The following DOCK2 variants were observed in gnomAD, a reference collection of about 807,000 sequenced individuals.
DOCK2 encodes the protein dedicator of cytokinesis 2, also known as dedicator of cytokinesis protein 2.
DOCK2 carries 87 observed loss-of-function variants against 248.9 expected under a neutral mutation model. The ratio of observed to expected loss-of-function variants is 0.35; its 90% CI spans 0.29 to 0.42. DOCK2 has a LOEUF of 0.42. Ranked by LOEUF, DOCK2 falls within the 10% of genes least tolerant of loss-of-function variation. The pLI is 1.00. For synonymous variants in DOCK2, 805 were observed against 821.6 expected (o/e 0.98, Z 0.35); for missense variants, 1,747 against 2,300.2 (o/e 0.76, Z 4.92).
At chr5:169,868,455 TAA>T in intron 27 of DOCK2, among the ~76,000 whole-genome samples, 1 of 152,326 alleles carries the variant, frequency 6.6e-6, no homozygotes, top group South Asian at 2.1e-4. Flanking sequence ...ACAAGTGTCC[TAA>T]TACCTGTTTA....
rs1247207480 is a variant in DOCK2, at chr5:169,892,928, AT to A, written c.2799+52077del. ...CTTCTTCTCTTCTGTTTTCTCCAGC[AT>A]GGCTCCCCATTTCATTTCTCCCCTC... On this transcript the variant is annotated intron_variant, in intron 27 of 51. Coordinates refer to ENST00000520908, the MANE Select transcript of DOCK2 (RefSeq NM_004946.3). Among the ~76,000 whole-genome samples, 444 of 151,714 alleles carry A rather than the reference AT, an allele frequency of 2.9e-3. 5 individuals are homozygous for A. Among genetic ancestry groups the A allele is most frequent in the African/African-American group, 0.01 (419 of 41,348 alleles).
At chr5:169,816,447 A>T (rs948670350) in intron 26 of DOCK2, among the ~76,000 whole-genome samples, 2 of 152,210 alleles carry the variant, frequency 1.3e-5, no homozygotes, top group African/African-American at 4.8e-5. Context: ...TCTGCAAGCA[A>T]CCTAGCATGC....
At chr5:169,702,585 G>A (rs774359286) in intron 14 of DOCK2, 158 bp downstream of exon 14, 15 of 1,023,468 alleles carry the variant, frequency 1.5e-5, no homozygotes, top group Non-Finnish European at 2.1e-5. Context: ...CTTGGTTAGT[G>A]CAGTGTTCCA....
intron 26 of DOCK2, among the ~76,000 whole-genome samples, chr5:169,820,392 C>G (rs898558920): frequency 2.6e-5 from 4 of 152,218 alleles, no homozygotes. Context: ...ACTGACACCT[C>G]ACACAGCTGG....
At chr5:170,057,735 G>A (rs936571013) in intron 44 of DOCK2, 69 bp downstream of exon 44, 1 of 1,388,946 alleles carries the variant, frequency 7.2e-7, no homozygotes, top group Non-Finnish European at 9.8e-7. Context: ...GTCTCCAAAG[G>A]CCCCTTTGAC....
chr5:170,043,407 C>T (rs182999763), intron 38 of DOCK2, among the ~76,000 whole-genome samples: 4 of 152,302 alleles, frequency 2.6e-5, no homozygotes, highest in Non-Finnish European at 5.9e-5. Flanking sequence ...CCTACTCCAC[C>T]GCTTCCTCTC....
At chr5:169,784,124 G>A (rs12515840) in intron 25 of DOCK2, among the ~76,000 whole-genome samples, 19,989 of 95,028 alleles carry the variant, frequency 0.21, 1,632 homozygotes, top group East Asian at 0.35. Context: ...CAATTTCATT[G>A]ATTTTTTTTT....
At chr5:169,926,093 G>C (rs1353481409) in intron 27 of DOCK2, among the ~76,000 whole-genome samples, 1 of 152,174 alleles carries the variant, frequency 6.6e-6, no homozygotes, top group East Asian at 1.9e-4. Flanking sequence ...CTCTCTTAGA[G>C]ACAAGTGGGA....
At chr5:169,869,735 G>A (rs1050523869) in intron 27 of DOCK2, among the ~76,000 whole-genome samples, 49 of 152,324 alleles carry the variant, frequency 3.2e-4, no homozygotes, top group Admixed American at 2.4e-3. Flanking sequence ...TTAGCAGAGC[G>A]TTGTTTGCAG....
chr5:169,803,869 T>G (rs1767147359), intron 26 of DOCK2, among the ~76,000 whole-genome samples: 1 of 151,926 alleles, frequency 6.6e-6, no homozygotes, highest in South Asian at 2.1e-4. Context: ...TGAGAGGTAG[T>G]GATTAGACCC....
chr5:169,695,787 G>C lies in DOCK2; in HGVS notation c.844-16G>C. ...TTCAGCACATGATGGTCAATTTTTT[G>C]TTTCTTTCCCCCCAGGATCTTGGAA... On this transcript the variant is annotated splice_polypyrimidine_tract_variant and intron_variant, in intron 9 of 51. Coordinates refer to ENST00000520908, the MANE Select transcript of DOCK2 (RefSeq NM_004946.3). 1 of 1,609,240 alleles carries C rather than the reference G, an allele frequency of 6.2e-7. No individual in the cohort carries two copies. Among genetic ancestry groups the C allele is most frequent in the South Asian group, 1.1e-5 (1 of 89,962 alleles).
intron 36 of DOCK2, among the ~76,000 whole-genome samples, chr5:170,038,577 G>A (rs903545059): frequency 1.3e-5 from 2 of 152,174 alleles, no homozygotes; most frequent in Non-Finnish European, 1.5e-5. Flanking sequence ...TAGCCGAACC[G>A]GGTGGTGGCA....
At chr5:170,077,870 C>A in intron 48 of DOCK2, 33 bp downstream of exon 48, 1 of 1,599,696 alleles carries the variant, frequency 6.3e-7, no homozygotes, top group Non-Finnish European at 8.5e-7. Flanking sequence ...GCCCCCCACA[C>A]CCCTGCCTCC....
intron 22 of DOCK2, among the ~76,000 whole-genome samples, chr5:169,721,949 A>T (rs1363196534): frequency 6.6e-6 from 1 of 152,236 alleles, no homozygotes; most frequent in Non-Finnish European, 1.5e-5. Flanking sequence ...GGCACATGCC[A>T]GTGCTGTAGC....
At position 169,931,516 on chromosome 5, in the gene DOCK2, C is replaced by T. The variant is rs1775753006; in HGVS notation, c.2800-51552C>T. On this transcript the variant is annotated intron_variant, in intron 27 of 51. Transcript: ENST00000520908. The stretch of plus-strand genomic sequence containing the variant: ...ATGTGGTTATTTTATGAGGTGGTAT[C>T]GTTTTGTGGAAAGTTGTTTTGGGGT... 3.9e-5 allele frequency among the ~76,000 whole-genome samples: 6 copies of T among 152,282 alleles called. No individual in the cohort carries two copies. The South Asian group carries it at 1.0e-3, about 26-fold the overall frequency.
chr5:169,912,251 G>A (rs1283846939), intron 27 of DOCK2, among the ~76,000 whole-genome samples: 1 of 151,916 alleles, frequency 6.6e-6, no homozygotes, highest in Non-Finnish European at 1.5e-5. Context: ...TAGAAAATGG[G>A]GTCTCACTGT....
intron 27 of DOCK2, among the ~76,000 whole-genome samples, chr5:169,901,702 G>A (rs559981808): frequency 3.9e-4 from 59 of 152,286 alleles, no homozygotes; most frequent in Non-Finnish European, 7.5e-4. Context: ...TGTAGAGAAA[G>A]GAAATTAATT....
chr5:169,641,999 T>A (rs1308868028), intron 1 of DOCK2, among the ~76,000 whole-genome samples: 2 of 152,194 alleles, frequency 1.3e-5, no homozygotes, highest in East Asian at 3.9e-4. Flanking sequence ...CAGGTCTAAT[T>A]CTCTGTGACT....
chr5:169,838,902 G>T (rs753634382), intron 26 of DOCK2, among the ~76,000 whole-genome samples: 1 of 152,146 alleles, frequency 6.6e-6, no homozygotes, highest in African/African-American at 2.4e-5. Context: ...ATTGGGGCAG[G>T]GGGAGGACAT....
Sources: allele counts gnomAD v4.1 joint callset (sites outside exome capture counted in the v4.1 genomes callset), GRCh38; gene constraint gnomAD v4.1.1; transcripts MANE v1.5; gene names NCBI Gene and HGNC (gene_info 2026-07-23, HGNC 2026-07-21).